Variants in BCO2 observed in about 807,000 individuals in gnomAD.
BCO2 encodes the protein carotenoid-cleaving dioxygenase, mitochondrial.
In BCO2, 56 loss-of-function variants were observed where a neutral mutation model predicts 65.8. That is an observed-to-expected ratio of 0.85 (90% CI 0.69 to 1.06). The LOEUF (loss-of-function observed/expected upper bound fraction) is 1.06. Among genes scored for constraint, BCO2 ranks in the 50% least tolerant of loss-of-function variants. The pLI is 0.00. For synonymous variants in BCO2, 233 were observed against 242.3 expected, an observed-to-expected ratio of 0.96 and a Z score of 0.36; for missense variants, 675 against 698.5, an observed-to-expected ratio of 0.97 and a Z score of 0.38.
chr11:112,200,899 CCTT>C (rs1867714456), intron 7 of BCO2, 126 bp downstream of exon 7: 1 of 1,004,930 alleles, frequency 1.0e-6, no homozygotes. Flanking sequence ...AAGGATATTA[CCTT>C]CTTCTATAGG....
chr11:112,203,895 C>G (rs1867800930), intron 8 of BCO2, among the ~76,000 whole-genome samples: 1 of 151,986 alleles, frequency 6.6e-6, no homozygotes, highest in Admixed American at 6.6e-5. Flanking sequence ...CACTCTGCCA[C>G]TCAGGCTGGA....
intron 2 of BCO2, among the ~76,000 whole-genome samples, chr11:112,185,716 A>G (rs1369458125): frequency 1.3e-5 from 2 of 152,212 alleles, no homozygotes; most frequent in African/African-American, 4.8e-5. Context: ...ATTATTTTTA[A>G]TGGCTAGATG....
chr11:112,196,066 AT>A (rs1867564516), intron 5 of BCO2, among the ~76,000 whole-genome samples: 1 of 152,112 alleles, frequency 6.6e-6, no homozygotes, highest in African/African-American at 2.4e-5. Flanking sequence ...GGCAGGTCCA[AT>A]CTTTCTGGAC....
chr11:112,186,346 C>T (rs1867200360), intron 2 of BCO2, among the ~76,000 whole-genome samples: 1 of 152,232 alleles, frequency 6.6e-6, no homozygotes, highest in Non-Finnish European at 1.5e-5. Flanking sequence ...CAAGTGTCTA[C>T]TTTGTCCTCA....
intron 8 of BCO2, among the ~76,000 whole-genome samples, chr11:112,204,525 C>A (rs1418413241): frequency 1.3e-5 from 2 of 152,114 alleles, no homozygotes; most frequent in East Asian, 1.9e-4. Flanking sequence ...TACCTCTCCA[C>A]CCCTGAGATA....
intron 2 of BCO2, among the ~76,000 whole-genome samples, chr11:112,185,059 TTTA>T (rs1317635561): frequency 6.6e-6 from 1 of 152,230 alleles, no homozygotes; most frequent in Non-Finnish European, 1.5e-5. Context: ...TTTTCTTTGC[TTTA>T]TTATTTTTAC....
chr11:112,215,128 G>A, intron 10 of BCO2, 184 bp downstream of exon 10: 1 of 607,072 alleles, frequency 1.6e-6, no homozygotes, highest in Non-Finnish European at 2.9e-6. Flanking sequence ...AATCCAAATT[G>A]ACCCCAGGCC....
rs990138978 is a variant in BCO2, at chr11:112,193,344, C to T, written c.294-130C>T. The stretch of plus-strand genomic sequence containing the variant: ...CCTCCCACAATTTCAAGTTCTCTGA[C>T]TAATCAGGTTGTGCTGGGAACCTGT... On this transcript the variant is annotated intron_variant, in intron 2 of 11. Transcript: ENST00000357685. 10 of 846,766 alleles carry T rather than the reference C, an allele frequency of 1.2e-5. No individual in the cohort carries two copies. In the African/African-American group the frequency reaches 1.7e-4, roughly 14 times the overall value. The allele number at this position is 846,766 out of a possible 1,614,324, so 52.5% of individuals were successfully genotyped here.
chr11:112,185,739 T>C (rs1259963284), intron 2 of BCO2, among the ~76,000 whole-genome samples: 1 of 152,240 alleles, frequency 6.6e-6, no homozygotes, highest in Non-Finnish European at 1.5e-5. Flanking sequence ...TTCCAGGAAT[T>C]ATTGTTTTTT....
At chr11:112,198,301 T>C (rs754883642) in intron 5 of BCO2, among the ~76,000 whole-genome samples, 4 of 151,694 alleles carry the variant, frequency 2.6e-5, no homozygotes, top group Admixed American at 2.0e-4. Context: ...CCAGACTGGG[T>C]GATAGTGCAA....
At chr11:112,215,954 AC>A (rs1039694239) in intron 10 of BCO2, among the ~76,000 whole-genome samples, 1 of 151,984 alleles carries the variant, frequency 6.6e-6, no homozygotes, top group African/African-American at 2.4e-5. Flanking sequence ...TAAAACAACT[AC>A]CTCTCAGACG....
At chr11:112,203,939 C>A (rs1756124156) in intron 8 of BCO2, among the ~76,000 whole-genome samples, 2 of 152,122 alleles carry the variant, frequency 1.3e-5, no homozygotes, top group Non-Finnish European at 2.9e-5. Flanking sequence ...ACTGCAACCT[C>A]TGCTCCCGGG....
chr11:112,207,686 A>G (rs888100148), intron 8 of BCO2, among the ~76,000 whole-genome samples: 1 of 152,226 alleles, frequency 6.6e-6, no homozygotes, highest in Non-Finnish European at 1.5e-5. Flanking sequence ...CCCACACAAA[A>G]ATATGGTCAC....
At chr11:112,203,685 C>T (rs1370258930) in intron 8 of BCO2, among the ~76,000 whole-genome samples, 1 of 152,152 alleles carries the variant, frequency 6.6e-6, no homozygotes, top group South Asian at 2.1e-4. Flanking sequence ...GTACGTTAGA[C>T]CTCTAGACTT....
chr11:112,216,297 G>C lies in BCO2; in HGVS notation c.1593G>C (p.Gly531=). 1 of 1,614,038 alleles carries C rather than the reference G, an allele frequency of 6.2e-7. No homozygotes were observed. The highest frequency in any genetic ancestry group is 1.1e-5 in the South Asian group (1 of 91,072). Residue 531 remains glycine (G), a synonymous_variant, in exon 11 of 12, where the codon GGG becomes GGC. Coordinates refer to ENST00000357685, the MANE Select transcript of BCO2 (RefSeq NM_031938.7). The stretch of plus-strand genomic sequence containing the variant: ...CAGGAACCAATGAAGAAGATGGTGG[G>C]GTTATTCTTTCTGTGGTGATCACTC... The part of the protein sequence containing the change: ...PAPGTNEEDG[G]VILSVVITPN...
At chr11:112,189,987 C>T (rs948832037) in intron 2 of BCO2, among the ~76,000 whole-genome samples, 8 of 152,158 alleles carry the variant, frequency 5.3e-5, no homozygotes, top group African/African-American at 7.2e-5. Context: ...CGAATATCCA[C>T]GATAAAGTAC....
intron 1 of BCO2, chr11:112,176,025 G>A (rs1407007675): frequency 5.0e-6 from 1 of 201,582 alleles, no homozygotes; most frequent in Non-Finnish European, 1.0e-5. Context: ...ACGTTCTAAT[G>A]TAATTGTTTG....
intron 5 of BCO2, 24 bp downstream of exon 5, chr11:112,194,779 T>G (rs775402468): frequency 6.8e-7 from 1 of 1,476,512 alleles, no homozygotes; most frequent in Non-Finnish European, 9.4e-7. Context: ...AAAGGTCTTT[T>G]TAGAAATAAT....
chr11:112,193,387 A>G lies in BCO2; in HGVS notation c.294-87A>G, dbSNP rs1867457042. 12 of 1,217,388 alleles carry G rather than the reference A, an allele frequency of 9.9e-6. No homozygotes were observed. In the South Asian group the frequency reaches 1.6e-4, roughly 17 times the overall value. 75.4% of individuals were successfully genotyped at this position (1,217,388 alleles called of 1,614,324 possible). A position where few individuals can be genotyped will look rare whatever the true frequency, so the allele number is the denominator to read the frequency against. On this transcript the variant is annotated intron_variant, in intron 2 of 11. Transcript: ENST00000357685. ...GAACCTGTCCCATTTCCTTATCTTT[A>G]TATTTGAAATGAAGATCTATCACTC...
Sources: allele counts gnomAD v4.1 joint callset (sites outside exome capture counted in the v4.1 genomes callset), GRCh38; gene constraint gnomAD v4.1.1; transcripts MANE v1.5; gene names NCBI Gene and HGNC (gene_info 2026-07-23, HGNC 2026-07-21).